ZC3H12B: variants seen among roughly 807,000 people sequenced by gnomAD.
ZC3H12B encodes the protein zinc finger CCCH-type containing 12B.
ZC3H12B carries 7 observed loss-of-function variants against 43.9 expected under a neutral mutation model. The observed-to-expected ratio is 0.16, with a 90% CI of 0.09 to 0.30. ZC3H12B has a LOEUF of 0.30. Among genes scored for constraint, ZC3H12B ranks in the 10% least tolerant of loss-of-function variants. The pLI is 1.00. For missense variants in ZC3H12B, 475 were observed against 670.2 expected (o/e 0.71, Z 3.22); for synonymous variants, 222 against 241.7 (o/e 0.92, Z 0.76).
chrX:65,177,455 AG>A, the ZC3H12B span, among the ~76,000 whole-genome samples: 1 of 112,074 alleles, frequency 8.9e-6, no homozygotes, highest in Non-Finnish European at 1.9e-5. Flanking sequence ...AAGAAAGAAA[AG>A]GGTATTCAAG....
the ZC3H12B span, among the ~76,000 whole-genome samples, chrX:65,108,565 G>T: frequency 9.2e-6 from 1 of 108,937 alleles, no homozygotes; most frequent in African/African-American, 3.3e-5. Flanking sequence ...GCATGAAGCT[G>T]TCACCTACTA....
chrX:65,192,797 T>C, the ZC3H12B span, among the ~76,000 whole-genome samples: 1 of 111,303 alleles, frequency 9.0e-6, no homozygotes, highest in Non-Finnish European at 1.9e-5. Flanking sequence ...GATAGATAGA[T>C]AGATAGATTG....
chrX:65,218,779 G>T, the ZC3H12B span, among the ~76,000 whole-genome samples: 1 of 111,171 alleles, frequency 9.0e-6, no homozygotes, highest in Non-Finnish European at 1.9e-5. Context: ...GGAGCTCTAT[G>T]GCCCCACCTG....
the ZC3H12B span, among the ~76,000 whole-genome samples, chrX:65,219,754 G>A: frequency 9.3e-6 from 1 of 108,099 alleles, no homozygotes; most frequent in African/African-American, 3.4e-5. Context: ...GAAAACTTCT[G>A]CAGCATTGCT....
chrX:65,482,463 C>A (rs1302061653), intron 3 of ZC3H12B, among the ~76,000 whole-genome samples: 1 of 112,096 alleles, frequency 8.9e-6, no homozygotes, highest in Non-Finnish European at 1.9e-5. Flanking sequence ...CTTACTCTAG[C>A]AGAGACCGTC....
At chrX:65,308,092 A>G in the ZC3H12B span, among the ~76,000 whole-genome samples, 1 of 111,655 alleles carries the variant, frequency 9.0e-6, no homozygotes, top group Admixed American at 9.5e-5. Context: ...ATGTTTTTAC[A>G]TCAGTACATG....
At chrX:65,202,448 G>A in the ZC3H12B span, among the ~76,000 whole-genome samples, 112 of 109,115 alleles carry the variant, frequency 1.0e-3, no homozygotes, top group Non-Finnish European at 1.8e-3. Flanking sequence ...GCATAAGTGG[G>A]CACTCAAATC....
chrX:65,065,492 G>A, the ZC3H12B span, among the ~76,000 whole-genome samples: 1 of 112,027 alleles, frequency 8.9e-6, no homozygotes, highest in South Asian at 3.7e-4. Context: ...TGGCTTGTAG[G>A]GTTTCTGCAG....
the ZC3H12B span, among the ~76,000 whole-genome samples, chrX:65,261,665 A>C: frequency 9.0e-6 from 1 of 111,118 alleles, no homozygotes; most frequent in Non-Finnish European, 1.9e-5. Flanking sequence ...TCAAACCCAT[A>C]ATTTCATGAA....
chrX:65,486,861 A>G (rs766931003), upstream of ZC3H12B, among the ~76,000 whole-genome samples: 11 of 112,570 alleles, frequency 9.8e-5, no homozygotes, highest in Non-Finnish European at 2.1e-4. Context: ...TATCTTTTAC[A>G]GGTACCTCCC....
the ZC3H12B span, among the ~76,000 whole-genome samples, chrX:65,142,909 G>A: frequency 2.7e-5 from 3 of 112,145 alleles, no homozygotes; most frequent in African/African-American, 9.7e-5. Context: ...TGGCCATATA[G>A]TATAGTTTGA....
At chrX:65,161,342 G>C in the ZC3H12B span, among the ~76,000 whole-genome samples, 1 of 111,488 alleles carries the variant, frequency 9.0e-6, no homozygotes, top group East Asian at 2.8e-4. Context: ...TCGTTGATCT[G>C]TCTGTTGTTG....
At chrX:65,379,047 G>A (rs6624147) in intron 2 of ZC3H12B, among the ~76,000 whole-genome samples, 1 of 112,213 alleles carries the variant, frequency 8.9e-6, no homozygotes, top group East Asian at 2.8e-4. Flanking sequence ...GCCCGCAATT[G>A]CCCAGGCTTG....
At chrX:65,449,915 C>A (rs1349082167) in intron 3 of ZC3H12B, among the ~76,000 whole-genome samples, 1 of 111,387 alleles carries the variant, frequency 9.0e-6, no homozygotes, top group Non-Finnish European at 1.9e-5. Flanking sequence ...TTACACTACT[C>A]AGGTGATCAG....
chrX:65,196,417 TG>T, the ZC3H12B span, among the ~76,000 whole-genome samples: 3 of 111,276 alleles, frequency 2.7e-5, no homozygotes, highest in South Asian at 1.1e-3. Flanking sequence ...GGGGGGATTT[TG>T]GGTCAAGCTG....
intron 3 of ZC3H12B, among the ~76,000 whole-genome samples, chrX:65,450,202 G>A (rs2067453355): frequency 9.7e-6 from 1 of 103,247 alleles, no homozygotes; most frequent in Non-Finnish European, 2.0e-5. Flanking sequence ...CTACTTGGGA[G>A]GCTGAGGCAG....
intron 3 of ZC3H12B, among the ~76,000 whole-genome samples, chrX:65,474,181 A>G (rs1485278931): frequency 9.0e-6 from 1 of 111,722 alleles, no homozygotes; most frequent in Non-Finnish European, 1.9e-5. Context: ...TAATTGTTTT[A>G]TCTTCTTGCT....
chrX:65,298,361 A>G, the ZC3H12B span, among the ~76,000 whole-genome samples: 1 of 112,213 alleles, frequency 8.9e-6, no homozygotes, highest in South Asian at 3.7e-4. Context: ...AAATGAAAAT[A>G]CTAATTATTA....
chrX:65,129,770 G>A, the ZC3H12B span, among the ~76,000 whole-genome samples: 1 of 110,497 alleles, frequency 9.1e-6, no homozygotes, highest in East Asian at 2.9e-4. Flanking sequence ...TGGGGGGATG[G>A]TATGAGAGAT....
Sources: gnomAD v4.1 joint callset for allele counts (sites outside exome capture counted in the v4.1 genomes callset) on GRCh38, gnomAD v4.1.1 for gene constraint, MANE v1.5 for transcripts, NCBI Gene and HGNC (gene_info 2026-07-23, HGNC 2026-07-21) for gene names.